Variants in ERICH3 observed in about 807,000 individuals in gnomAD.
ERICH3 encodes glutamate-rich protein 3.
In ERICH3, 126 loss-of-function variants were observed where a neutral mutation model predicts 131.1. The observed-to-expected ratio is 0.96, with a 90% CI of 0.83 to 1.11. The LOEUF (loss-of-function observed/expected upper bound fraction) is 1.11. Ranked by LOEUF, ERICH3 falls within the 50% of genes most tolerant of loss-of-function variation. The pLI is 0.00. For synonymous variants in ERICH3, 695 were observed against 644.6 expected, an observed-to-expected ratio of 1.08 and a Z score of -1.18; for missense variants, 2,050 against 1,810.7, an observed-to-expected ratio of 1.13 and a Z score of -2.40.
At chr1:74,641,607 G>T in intron 4 of ERICH3, 148 bp from the exon 5 acceptor site, 1 of 929,928 alleles carries the variant, frequency 1.1e-6, no homozygotes, top group Non-Finnish European at 1.6e-6. Flanking sequence ...AGGTGTGGTG[G>T]TAAGGCAAGA....
In ERICH3 at chr1:74,571,651, G is replaced by T; in HGVS notation, c.4059C>A (p.Ala1353=). The part of the protein sequence containing the change: ...LHGGGETAET[A]AEEREVLAGS... ...CTGCCAACACCTCCCTCTCCTCTGC[G>T]GCTGTTTCTGCCGTTTCACCACCTC... is the stretch of plus-strand genomic sequence containing the variant. Residue 1353 remains alanine, a synonymous_variant, in exon 14 of 15, where the codon GCC becomes GCA. Transcript: ENST00000326665. 6.2e-7 allele frequency: 1 copy of T among 1,614,010 alleles called. No homozygotes were observed.
chr1:74,579,479 C>T (rs1012720549), intron 12 of ERICH3: 25 of 985,216 alleles, frequency 2.5e-5, no homozygotes, highest in Non-Finnish European at 2.9e-5. Context: ...TGCTGGCTTG[C>T]CCCTGGAGGA....
At chr1:74,660,662 A>G (rs556520517) in intron 1 of ERICH3, among the ~76,000 whole-genome samples, 1 of 148,748 alleles carries the variant, frequency 6.7e-6, no homozygotes, top group East Asian at 2.0e-4. Context: ...ATATGTGTAT[A>G]CAAGTGTATA....
chr1:74,649,009 C>T (rs560285743), intron 2 of ERICH3, among the ~76,000 whole-genome samples: 4 of 152,054 alleles, frequency 2.6e-5, no homozygotes, highest in Non-Finnish European at 5.9e-5. Flanking sequence ...ACCTTTTCCT[C>T]AATAATTTAT....
At chr1:74,646,073 G>C (rs1333723783) in intron 3 of ERICH3, among the ~76,000 whole-genome samples, 1 of 150,074 alleles carries the variant, frequency 6.7e-6, no homozygotes, top group East Asian at 2.0e-4. Context: ...ATCCCATTAA[G>C]ATACCCTGTC....
intron 12 of ERICH3, among the ~76,000 whole-genome samples, chr1:74,583,041 CG>C (rs1647206483): frequency 6.6e-6 from 1 of 152,036 alleles, no homozygotes; most frequent in African/African-American, 2.4e-5. Flanking sequence ...ACAATGTAAA[CG>C]GGGGCAGAAC....
In ERICH3 at chr1:74,568,239, T is replaced by C. The variant is rs1214346781; in HGVS notation, c.*2219A>G. On this transcript the variant is annotated 3_prime_UTR_variant, in exon 15 of 15. Coordinates refer to ENST00000326665, the MANE Select transcript of ERICH3 (RefSeq NM_001002912.5). ...AGAAAGAATTCACTTATTCAAAATA[T>C]CACAATACTGAATTTCACAGTTAAA... 6.6e-6 allele frequency: 1 copy of C among 152,178 alleles called. No homozygotes were observed. The highest frequency in any genetic ancestry group is 2.4e-5 in the African/African-American group (1 of 41,456). 9.4% of individuals were successfully genotyped at this position (152,178 alleles called of 1,614,324 possible).
intron 9 of ERICH3, among the ~76,000 whole-genome samples, chr1:74,611,815 C>T (rs141208902): frequency 1.2e-4 from 18 of 152,212 alleles, no homozygotes; most frequent in African/African-American, 3.9e-4. Context: ...AAATAACACA[C>T]TCCCCATGAC....
chr1:74,629,445 C>T (rs1649521100), intron 7 of ERICH3, among the ~76,000 whole-genome samples: 1 of 152,078 alleles, frequency 6.6e-6, no homozygotes. Flanking sequence ...ATGATAAGGT[C>T]TGTCAAAGCC....
chr1:74,600,724 T>C (rs1361883301), intron 10 of ERICH3, among the ~76,000 whole-genome samples: 1 of 151,828 alleles, frequency 6.6e-6, no homozygotes, highest in Admixed American at 6.6e-5. Context: ...ACTGTTCCCC[T>C]TTTTCTTCCA....
chr1:74,594,183 AT>A (rs1647737175), intron 11 of ERICH3, among the ~76,000 whole-genome samples: 1 of 152,078 alleles, frequency 6.6e-6, no homozygotes, highest in South Asian at 2.1e-4. Flanking sequence ...TATAACATTT[AT>A]CATGATGCTA....
In ERICH3 at chr1:74,571,645, C is replaced by T. The variant is rs768900144; in HGVS notation, c.4065G>A (p.Glu1355=). The part of the protein sequence containing the change: ...GGGETAETAA[E]EREVLAGSET... ...CCGAACCTGCCAACACCTCCCTCTC[C>T]TCTGCGGCTGTTTCTGCCGTTTCAC... Residue 1355 remains glutamate, a synonymous_variant, in exon 14 of 15, where the codon GAG becomes GAA. Transcript: ENST00000326665. 11 of 1,614,064 alleles carry T rather than the reference C, an allele frequency of 6.8e-6. No individual in the cohort carries two copies. In the African/African-American group the frequency reaches 1.3e-4, roughly 20 times the overall value.
At chr1:74,644,515 T>C (rs976688718) in intron 3 of ERICH3, among the ~76,000 whole-genome samples, 2 of 152,102 alleles carry the variant, frequency 1.3e-5, no homozygotes, top group Non-Finnish European at 2.9e-5. Context: ...TTTTGACCTC[T>C]TGAAGGTTCC....
At chr1:74,648,010 T>C (rs1204576565) in intron 2 of ERICH3, among the ~76,000 whole-genome samples, 3 of 152,108 alleles carry the variant, frequency 2.0e-5, no homozygotes, top group Non-Finnish European at 4.4e-5. Context: ...CCTGCAGGGC[T>C]TGTTGAAAAA....
At chr1:74,665,346 T>C (rs1646681289) in intron 1 of ERICH3, among the ~76,000 whole-genome samples, 1 of 152,166 alleles carries the variant, frequency 6.6e-6, no homozygotes, top group South Asian at 2.1e-4. Context: ...GTCTATGGTA[T>C]TCTATTTTAA....
chr1:74,605,319 T>C (rs10890137), intron 10 of ERICH3, among the ~76,000 whole-genome samples: 61,511 of 151,794 alleles, frequency 0.41, 13,606 homozygotes, highest in Non-Finnish European at 0.5. Context: ...ACCGCTAAAA[T>C]ACTCTATATA....
rs776076866 is a variant in ERICH3 at position 74,599,707 on chromosome 1, C to T, written c.1714G>A (p.Glu572Lys). 2.5e-6 allele frequency: 4 copies of T among 1,609,356 alleles called. No homozygotes were observed. The highest frequency in any genetic ancestry group is 3.4e-6 in the Non-Finnish European group (4 of 1,177,862). The change falls in exon 11 of 15, where the codon GAG (glutamate) becomes AAG (lysine). Residue 572 changes from glutamate to lysine, a missense_variant. Transcript: ENST00000326665. ...CTGAACAACTCGCCTTGTTTATCCT[C>T]TTCCAGTTCACTCTCAGAGCATCCA... Reference protein sequence around the residue: ...NDGCSESELEEDKQDMKTASS... With the variant: ...NDGCSESELEKDKQDMKTASS...
At chr1:74,659,378 C>A (rs908349090) in intron 1 of ERICH3, among the ~76,000 whole-genome samples, 23 of 152,126 alleles carry the variant, frequency 1.5e-4, no homozygotes, top group Non-Finnish European at 3.1e-4. Context: ...AGTTCCAAAA[C>A]CCCCCGTTGG....
At chr1:74,573,929 T>C (rs1046935831) in intron 13 of ERICH3, among the ~76,000 whole-genome samples, 2 of 151,606 alleles carry the variant, frequency 1.3e-5, no homozygotes, top group African/African-American at 4.8e-5. Flanking sequence ...GAAAAAATTA[T>C]GCAATAAGAA....
Sources: gnomAD v4.1 joint callset for allele counts (sites outside exome capture counted in the v4.1 genomes callset) on GRCh38, gnomAD v4.1.1 for gene constraint, MANE v1.5 for transcripts, NCBI Gene and HGNC (gene_info 2026-07-23, HGNC 2026-07-21) for gene names.